The following STAU2 variants were observed in gnomAD, a reference collection of about 807,000 sequenced individuals.
STAU2 encodes the protein double-stranded RNA-binding protein Staufen homolog 2.
STAU2 carries 20 observed loss-of-function variants against 65.9 expected under a neutral mutation model. The observed-to-expected ratio is 0.30, with a 90% confidence interval of 0.21 to 0.44. The LOEUF (loss-of-function observed/expected upper bound fraction) is 0.44. Among genes scored for constraint, STAU2 ranks in the 20% least tolerant of loss-of-function variants. The pLI is 1.00. For missense variants in STAU2, 558 were observed against 683.9 expected (o/e 0.82, Z 2.05); for synonymous variants, 232 against 233.9 (o/e 0.99, Z 0.07).
chr8:73,650,097 A>G (rs1815746588), intron 6 of STAU2, among the ~76,000 whole-genome samples: 1 of 151,700 alleles, frequency 6.6e-6, no homozygotes, highest in South Asian at 2.1e-4. Context: ...GGACTTCCAG[A>G]TATGATGGGG....
intron 3 of STAU2, among the ~76,000 whole-genome samples, chr8:73,728,680 G>T (rs1278352264): frequency 6.6e-6 from 1 of 152,072 alleles, no homozygotes; most frequent in Non-Finnish European, 1.5e-5. Flanking sequence ...TTAGGCTTTT[G>T]GATGCTATTA....
chr8:73,747,211 G>C (rs550667666), upstream of STAU2: 988 of 704,318 alleles, frequency 1.4e-3, 6 homozygotes, highest in Non-Finnish European at 8.5e-4. Context: ...ACTGCGCAAG[G>C]AGCGCGCCCG....
At chr8:73,491,325 G>A (rs953793831) in intron 13 of STAU2, among the ~76,000 whole-genome samples, 2 of 151,966 alleles carry the variant, frequency 1.3e-5, no homozygotes, top group African/African-American at 4.8e-5. Flanking sequence ...TTTAGCAGGC[G>A]GTCAAAGATT....
intron 1 of STAU2, among the ~76,000 whole-genome samples, chr8:73,745,038 AGTAT>A (rs1200002724): frequency 6.6e-6 from 1 of 152,246 alleles, no homozygotes; most frequent in African/African-American, 2.4e-5. Flanking sequence ...TTTGTGAGCA[AGTAT>A]GTACCATATC....
rs2130475289 is a variant in STAU2 at position 73,420,543 on chromosome 8, A to C, written c.*829T>G. Reference sequence around the variant, plus strand: ...CCCAAGTCCAGAGGCAGTTACAAAAAACACTCTTGATGCAAACCGTGAGTG... The same window carrying C: ...CCCAAGTCCAGAGGCAGTTACAAAACACACTCTTGATGCAAACCGTGAGTG... On this transcript the variant is annotated 3_prime_UTR_variant, in exon 15 of 15. Coordinates refer to ENST00000524300, the MANE Select transcript of STAU2 (RefSeq NM_001164380.2). 4.5e-6 allele frequency: 1 copy of C among 221,380 alleles called. No homozygotes were observed. The highest frequency in any genetic ancestry group is 9.7e-5 in the East Asian group (1 of 10,308). The allele number at this position is 221,380 out of a possible 1,614,324, so 13.7% of individuals were successfully genotyped here.
At chr8:73,647,464 T>C (rs1815477919) in intron 6 of STAU2, among the ~76,000 whole-genome samples, 1 of 152,148 alleles carries the variant, frequency 6.6e-6, no homozygotes, top group South Asian at 2.1e-4. Context: ...AGCATAGAGA[T>C]GGAGAACACA....
In STAU2 at chr8:73,477,986, A is replaced by G. The variant is rs193208638; in HGVS notation, c.1531-55284T>C. ...ACAAACCAATCATGATCAAGTGTCT[A>G]TTGTCTGACACACTGAAGTGTGATA... On this transcript the variant is annotated intron_variant, in intron 13 of 14. Coordinates refer to ENST00000524300, the MANE Select transcript of STAU2 (RefSeq NM_001164380.2). Among the ~76,000 whole-genome samples the G allele has an allele frequency of 6.9e-3, 1,050 of 151,926 alleles. 9 individuals carry two copies. The highest frequency in any genetic ancestry group is 0.011 in the Non-Finnish European group (746 of 67,972).
intron 11 of STAU2, among the ~76,000 whole-genome samples, chr8:73,592,110 A>C (rs1230668706): frequency 6.6e-6 from 1 of 151,808 alleles, no homozygotes; most frequent in East Asian, 1.9e-4. Context: ...GGATAAAATA[A>C]AGAGCAGAAA....
intron 4 of STAU2, among the ~76,000 whole-genome samples, chr8:73,691,869 T>C (rs982808666): frequency 1.3e-5 from 2 of 152,164 alleles, no homozygotes; most frequent in Non-Finnish European, 2.9e-5. Context: ...TCCTGGGTGA[T>C]AGGAAATTTT....
intron 13 of STAU2, among the ~76,000 whole-genome samples, chr8:73,484,529 T>A (rs1461461649): frequency 1.3e-5 from 2 of 152,114 alleles, no homozygotes; most frequent in African/African-American, 4.8e-5. Flanking sequence ...ATGATACGAT[T>A]TACTATATAG....
chr8:73,536,073 T>G (rs1806160637), intron 13 of STAU2, among the ~76,000 whole-genome samples: 1 of 152,206 alleles, frequency 6.6e-6, no homozygotes, highest in South Asian at 2.1e-4. Context: ...ACATTTATGA[T>G]GACAGACCAT....
intron 9 of STAU2, among the ~76,000 whole-genome samples, chr8:73,605,361 T>G (rs1365852519): frequency 2.8e-5 from 4 of 142,224 alleles, no homozygotes; most frequent in East Asian, 2.1e-4. Flanking sequence ...CAGGCTGGAG[T>G]GCAGTGGCAT....
intron 6 of STAU2, among the ~76,000 whole-genome samples, chr8:73,663,660 G>A (rs1246861597): frequency 6.7e-6 from 1 of 148,590 alleles, no homozygotes; most frequent in East Asian, 2.0e-4. Flanking sequence ...TATGATTTTT[G>A]TTACAACTGC....
At chr8:73,603,583 A>G in intron 10 of STAU2, 143 bp downstream of exon 10, 1 of 1,028,474 alleles carries the variant, frequency 9.7e-7, no homozygotes, top group Non-Finnish European at 1.3e-6. Flanking sequence ...CCAAGTTGGT[A>G]GGTGAGCCTG....
At chr8:73,519,849 G>C (rs562787666) in intron 13 of STAU2, among the ~76,000 whole-genome samples, 1 of 152,208 alleles carries the variant, frequency 6.6e-6, no homozygotes, top group African/African-American at 2.4e-5. Context: ...TCACTGCCCA[G>C]TGGGGTAGAC....
chr8:73,597,201 A>T (rs986228970), intron 10 of STAU2, among the ~76,000 whole-genome samples: 1 of 152,178 alleles, frequency 6.6e-6, no homozygotes, highest in Non-Finnish European at 1.5e-5. Context: ...AGACTAATAA[A>T]ACAATAAACC....
At chr8:73,675,821 T>C (rs138532897) in intron 5 of STAU2, among the ~76,000 whole-genome samples, 370 of 152,294 alleles carry the variant, frequency 2.4e-3, no homozygotes, top group African/African-American at 8.4e-3. Context: ...TTTGGGATGA[T>C]TAGTGAAATC....
chr8:73,738,360 A>C lies in STAU2; in HGVS notation c.-83-11T>G. ...TCACGGCTCCAAAAACTGGAAAACG[A>C]AAATGAAGAAATAAAGTTCAACTTA... On this transcript the variant is annotated splice_polypyrimidine_tract_variant and intron_variant, in intron 2 of 14. Transcript: ENST00000524300. 2 of 1,581,372 alleles carry C rather than the reference A, an allele frequency of 1.3e-6. No homozygotes were observed. The highest frequency in any genetic ancestry group is 1.7e-6 in the Non-Finnish European group (2 of 1,170,400).
intron 13 of STAU2, among the ~76,000 whole-genome samples, chr8:73,545,894 G>C (rs929785507): frequency 1.3e-5 from 2 of 151,712 alleles, no homozygotes; most frequent in African/African-American, 4.8e-5. Flanking sequence ...TGATCCGCCC[G>C]CCTTGGCCTC....
Sources: allele counts gnomAD v4.1 joint callset (sites outside exome capture counted in the v4.1 genomes callset), GRCh38; gene constraint gnomAD v4.1.1; transcripts MANE v1.5; gene names NCBI Gene and HGNC (gene_info 2026-07-23, HGNC 2026-07-21).